Variants in EPG5 observed in about 807,000 individuals in gnomAD.
EPG5 encodes the protein ectopic P granules protein 5 homolog.
A neutral mutation model predicts 302.7 loss-of-function variants in EPG5; 159 were observed. The ratio of observed to expected loss-of-function variants is 0.53; its 90% confidence interval spans 0.46 to 0.60. The LOEUF (loss-of-function observed/expected upper bound fraction) is 0.60, where lower values mean the gene tolerates loss of function less well. EPG5 is among the 20% of genes least tolerant of loss of function. The pLI is 0.00. For missense variants in EPG5, 2,896 were observed against 3,092.4 expected (o/e 0.94, Z 1.51); for synonymous variants, 1,158 against 1,136.8 (o/e 1.02, Z -0.37).
At chr18:45,824,121 G>A in the EPG5 span, among the ~76,000 whole-genome samples, 1 of 152,222 alleles carries the variant, frequency 6.6e-6, no homozygotes, top group African/African-American at 2.4e-5. Flanking sequence ...GTGGGGGCAG[G>A]TGAAGGAGGG....
At chr18:45,865,957 A>C (rs2048737557) in intron 38 of EPG5, among the ~76,000 whole-genome samples, 198 bp from the exon 39 acceptor site, 1 of 152,082 alleles carries the variant, frequency 6.6e-6, no homozygotes, top group Non-Finnish European at 1.5e-5. Context: ...CACTTTGACC[A>C]GGGCCCATGT....
At chr18:45,824,850 G>C in the EPG5 span, among the ~76,000 whole-genome samples, 1 of 152,100 alleles carries the variant, frequency 6.6e-6, no homozygotes, top group Non-Finnish European at 1.5e-5. Flanking sequence ...TGGGCCTGTT[G>C]AGGTGGAGAA....
rs1277678224 is a variant in EPG5 at position 45,850,906 on chromosome 18, G to T, written c.*1561C>A. On this transcript the variant is annotated 3_prime_UTR_variant, in exon 44 of 44. Transcript: ENST00000282041. ...GAACAAGATGATTAATTTTGAAAACGGAGAGAAGCAAAAATAAGAAAAGCT... is the reference window on the plus strand; with the variant it reads ...GAACAAGATGATTAATTTTGAAAACTGAGAGAAGCAAAAATAAGAAAAGCT... 1.3e-5 allele frequency: 2 copies of T among 152,522 alleles called. No homozygotes were observed. Among genetic ancestry groups the T allele is most frequent in the Non-Finnish European group, 2.9e-5 (2 of 68,032 alleles). The allele number at this position is 152,522 out of a possible 1,614,324, so 9.4% of individuals were successfully genotyped here.
downstream of EPG5, among the ~76,000 whole-genome samples, chr18:45,844,464 T>C (rs1344211797): frequency 6.6e-6 from 1 of 152,220 alleles, no homozygotes; most frequent in African/African-American, 2.4e-5. Flanking sequence ...CAATCCCTGA[T>C]TTGATCATTG....
chr18:45,817,179 G>C, the EPG5 span, among the ~76,000 whole-genome samples: 3 of 152,104 alleles, frequency 2.0e-5, no homozygotes, highest in African/African-American at 7.2e-5. Flanking sequence ...TACTTCTCAG[G>C]TGATGGGTGC....
At chr18:45,908,791 A>C (rs1261422215) in intron 23 of EPG5, among the ~76,000 whole-genome samples, 2 of 152,142 alleles carry the variant, frequency 1.3e-5, no homozygotes, top group Non-Finnish European at 2.9e-5. Context: ...TCTACTAAAA[A>C]TACAAAAATG....
chr18:45,879,780 G>A (rs1386857110), intron 32 of EPG5, among the ~76,000 whole-genome samples: 1 of 152,162 alleles, frequency 6.6e-6, no homozygotes, highest in Non-Finnish European at 1.5e-5. Context: ...ATGGGACACT[G>A]CATCATAGAA....
chr18:45,831,992 A>G, the EPG5 span, among the ~76,000 whole-genome samples: 15 of 152,282 alleles, frequency 9.9e-5, 1 homozygote, highest in South Asian at 3.1e-3. Flanking sequence ...TCGGCCTCCC[A>G]AAGTGCTGGG....
At chr18:45,921,522 C>T (rs1319445038) in intron 16 of EPG5, among the ~76,000 whole-genome samples, 3 of 152,152 alleles carry the variant, frequency 2.0e-5, no homozygotes, top group Non-Finnish European at 4.4e-5. Flanking sequence ...AAGACAAATG[C>T]CATTCCTGGG....
rs2048413637 is a variant in EPG5 at position 45,850,822 on chromosome 18, C to T, written c.*1645G>A. 1 of 152,704 alleles carries T rather than the reference C, an allele frequency of 6.5e-6. No individual in the cohort carries two copies. Among genetic ancestry groups the T allele is most frequent in the East Asian group, 1.9e-4 (1 of 5,190 alleles). 9.5% of individuals were successfully genotyped at this position (152,704 alleles called of 1,614,324 possible). ...ACACAAAATATTTCCAAACAAAAAT[C>T]GCTGTTGCCAGATCAGACTATTAAA... On this transcript the variant is annotated 3_prime_UTR_variant, in exon 44 of 44. Transcript: ENST00000282041.
intron 20 of EPG5, 52 bp downstream of exon 20, chr18:45,915,459 T>G: frequency 1.9e-4 from 240 of 1,252,380 alleles, no homozygotes; most frequent in Non-Finnish European, 2.6e-4. Context: ...AGGATGATCA[T>G]GAGATTAAAG....
chr18:45,838,725 G>C, the EPG5 span: 2 of 1,576,026 alleles, frequency 1.3e-6, no homozygotes, highest in African/African-American at 2.7e-5. Flanking sequence ...CAGCCGCGCC[G>C]CGGATCGTCA....
chr18:45,875,232 T>C (rs1385592538), intron 35 of EPG5, among the ~76,000 whole-genome samples: 1 of 152,136 alleles, frequency 6.6e-6, no homozygotes, highest in Non-Finnish European at 1.5e-5. Flanking sequence ...TCTCTCTAAA[T>C]ATGGGCTCAC....
chr18:45,812,324 T>G, the EPG5 span, among the ~76,000 whole-genome samples: 1 of 152,126 alleles, frequency 6.6e-6, no homozygotes, highest in African/African-American at 2.4e-5. Flanking sequence ...ATCAATATCG[T>G]GAAAATGGCC....
chr18:45,806,532 G>A, the EPG5 span, among the ~76,000 whole-genome samples: 3 of 152,258 alleles, frequency 2.0e-5, no homozygotes, highest in South Asian at 4.2e-4. Flanking sequence ...CTGTACAAGT[G>A]GGAAAGGGAC....
chr18:45,938,074 G>A (rs2050577479), intron 10 of EPG5, among the ~76,000 whole-genome samples: 1 of 152,160 alleles, frequency 6.6e-6, no homozygotes, highest in Non-Finnish European at 1.5e-5. Flanking sequence ...CAGTGGACAG[G>A]TGCTACTGCA....
At chr18:45,951,911 T>C (rs1320895401) in intron 3 of EPG5, among the ~76,000 whole-genome samples, 1 of 152,182 alleles carries the variant, frequency 6.6e-6, no homozygotes, top group East Asian at 1.9e-4. Context: ...CAAGCATACT[T>C]AATATTCATG....
At chr18:45,808,058 G>A in the EPG5 span, among the ~76,000 whole-genome samples, 2 of 152,066 alleles carry the variant, frequency 1.3e-5, no homozygotes, top group South Asian at 4.1e-4. Context: ...AGGAAACAAT[G>A]GACACACTTA....
At chr18:45,828,873 C>A in the EPG5 span, among the ~76,000 whole-genome samples, 1 of 152,162 alleles carries the variant, frequency 6.6e-6, no homozygotes, top group Admixed American at 6.5e-5. Context: ...GGTGCTTATT[C>A]GGGACACAGG....
Sources: allele counts gnomAD v4.1 joint callset (sites outside exome capture counted in the v4.1 genomes callset), GRCh38; gene constraint gnomAD v4.1.1; transcripts MANE v1.5; gene names NCBI Gene and HGNC (gene_info 2026-07-23, HGNC 2026-07-21).